The following MYH13 variants were observed in gnomAD, a reference collection of about 807,000 sequenced individuals.
MYH13 encodes the protein myosin heavy chain 13, also known as myosin-13.
Under a neutral mutation model 232.1 loss-of-function variants are expected in MYH13, and 177 were observed. The observed-to-expected ratio is 0.76, with a 90% confidence interval of 0.67 to 0.86. MYH13 has a LOEUF of 0.86. MYH13 is among the 40% of genes least tolerant of loss of function. MYH13 has a pLI of 0.00. For synonymous variants in MYH13, 884 were observed against 923.5 expected, an observed-to-expected ratio of 0.96 and a Z score of 0.78; for missense variants, 2,246 against 2,405.9, an observed-to-expected ratio of 0.93 and a Z score of 1.39.
chr17:10,328,184 C>A, intron 21 of MYH13, 63 bp from the exon 22 acceptor site: 1 of 1,559,958 alleles, frequency 6.4e-7, no homozygotes, highest in South Asian at 1.2e-5. Context: ...CACCCCCAAC[C>A]TGTCCCCGAC....
rs567458608 is a variant in MYH13, at chr17:10,315,635, C to T, written c.3984+58G>A. The T allele has an allele frequency of 3.3e-4, 490 of 1,469,444 alleles. 5 individuals are homozygous for T. The African/African-American group carries it at 5.8e-3, about 17-fold the overall frequency. The allele number at this position is 1,469,444 out of a possible 1,614,324, so 91.0% of individuals were successfully genotyped here. ...TGTAGCACTGCTCTGACCAGCTTCACGGGTGAAGTGGTCATATAGCCTGGC... is the reference window on the plus strand; with the variant it reads ...TGTAGCACTGCTCTGACCAGCTTCATGGGTGAAGTGGTCATATAGCCTGGC... On this transcript the variant is annotated intron_variant, in intron 29 of 40. Coordinates refer to ENST00000252172, the MANE Select transcript of MYH13 (RefSeq NM_003802.3).
chr17:10,327,768 T>A, intron 22 of MYH13, 98 bp downstream of exon 22: 1 of 1,472,376 alleles, frequency 6.8e-7, no homozygotes, highest in South Asian at 1.3e-5. Context: ...GTGGCACCAC[T>A]GTCTCTCGAA....
Position 10,346,778 on chromosome 17 carries a change from G to C in MYH13, c.1165C>G (p.Leu389Val), listed in dbSNP as rs1242004419. Residue 389 changes from leucine to valine, a missense_variant, in exon 13 of 41, where the codon CTG becomes GTG. Transcript: ENST00000252172. The stretch of plus-strand genomic sequence containing the variant: ...ATTTCTGCAGAATTCAGTCCCATCA[G>C]GTATCCGGCTTTGTCAGCCACTGAA... ...GTEVADKAGY[L>V]MGLNSAEMLK... 4.3e-6 allele frequency: 7 copies of C among 1,613,792 alleles called. No individual in the cohort carries two copies. Among genetic ancestry groups the C allele is most frequent in the Non-Finnish European group, 5.1e-6 (6 of 1,179,812 alleles).
In MYH13 at chr17:10,319,187, G is replaced by T; in HGVS notation, c.3349-8C>A. 1 of 1,610,892 alleles carries T rather than the reference G, an allele frequency of 6.2e-7. No individual in the cohort carries two copies. The highest frequency in any genetic ancestry group is 8.5e-7 in the Non-Finnish European group (1 of 1,178,376). On this transcript the variant is annotated splice_polypyrimidine_tract_variant and splice_region_variant and intron_variant, in intron 26 of 40. Transcript: ENST00000252172. ...CAGCTCTTCTATGCGGGCCTGAAAG[G>T]ATTACTCTATCAGGAATGTTATTGT...
At chr17:10,321,178 T>C (rs1906926893) in intron 24 of MYH13, among the ~76,000 whole-genome samples, 1 of 152,220 alleles carries the variant, frequency 6.6e-6, no homozygotes, top group Non-Finnish European at 1.5e-5. Context: ...ATTGGAGGTT[T>C]TGGAACCCAA....
intron 1 of MYH13, among the ~76,000 whole-genome samples, chr17:10,372,144 A>C (rs2071881892): frequency 6.6e-6 from 1 of 152,148 alleles, no homozygotes; most frequent in Admixed American, 6.5e-5. Context: ...TTATATCCTA[A>C]AATTCTCACA....
chr17:10,339,225 G>A (rs55730703), intron 18 of MYH13, among the ~76,000 whole-genome samples: 2,291 of 152,248 alleles, frequency 0.015, 28 homozygotes, highest in Non-Finnish European at 0.021. Flanking sequence ...CCACAGCTCC[G>A]TGTGACAGTT....
At chr17:10,324,756 G>GTTTTTTTTTTTTTTTTTTTTT (rs56757162) in intron 22 of MYH13, 1 of 107,768 alleles carries the variant, frequency 9.3e-6, no homozygotes, top group African/African-American at 4.1e-5. Context: ...CCATATACAT[G>GTTTTTTTTTTTTTTTTTTTTT]TTTTTTTTTT....
At chr17:10,333,918 AAAAG>A (rs1381805103) in intron 18 of MYH13, among the ~76,000 whole-genome samples, 2 of 151,966 alleles carry the variant, frequency 1.3e-5, no homozygotes, top group East Asian at 3.9e-4. Flanking sequence ...CAAAAAAAAA[AAAAG>A]AAGAGGCCGT....
intron 12 of MYH13, 143 bp downstream of exon 12, chr17:10,350,413 A>G (rs1266780300): frequency 2.5e-6 from 3 of 1,193,354 alleles, no homozygotes; most frequent in South Asian, 1.6e-5. Flanking sequence ...AGTGCATGCT[A>G]CAATGAGCTT....
chr17:10,357,965 C>T (rs1406685594), intron 7 of MYH13, 138 bp from the exon 8 acceptor site: 2 of 643,204 alleles, frequency 3.1e-6, no homozygotes, highest in East Asian at 5.4e-5. Flanking sequence ...CAGTGCAGCA[C>T]CCACGCCCCC....
intron 13 of MYH13, 120 bp from the exon 14 acceptor site, chr17:10,345,736 T>G: frequency 6.5e-7 from 1 of 1,545,764 alleles, no homozygotes; most frequent in Non-Finnish European, 8.8e-7. Context: ...GGCTCACACC[T>G]GTAATCCCAG....
At chr17:10,337,455 G>A (rs9907202) in intron 18 of MYH13, among the ~76,000 whole-genome samples, 117,046 of 151,444 alleles carry the variant, frequency 0.77, 45,599 homozygotes, top group East Asian at 0.9. Context: ...TAGAGGATTT[G>A]GGAGAACAAC....
Position 10,355,069 on chromosome 17 carries a change from A to G in MYH13, c.802+15T>C. 1 of 1,607,038 alleles carries G rather than the reference A, an allele frequency of 6.2e-7. No homozygotes were observed. Among genetic ancestry groups the G allele is most frequent in the Non-Finnish European group, 8.5e-7 (1 of 1,176,220 alleles). On this transcript the variant is annotated intron_variant, in intron 9 of 40. Coordinates refer to ENST00000252172, the MANE Select transcript of MYH13 (RefSeq NM_003802.3). ...GGCCAAAACACCAACGGATTTATAG[A>G]GTGTTTGGACTCACAAGTTTCGATG...
intron 22 of MYH13, 140 bp downstream of exon 22, chr17:10,327,726 G>T (rs1907261672): frequency 9.7e-7 from 1 of 1,025,994 alleles, no homozygotes. Context: ...TTACGAGCAA[G>T]GTGGTGCTGC....
intron 16 of MYH13, chr17:10,341,440 C>T (rs967756787): frequency 5.9e-5 from 9 of 152,154 alleles, no homozygotes; most frequent in South Asian, 2.1e-4. Flanking sequence ...AGTAATAAAA[C>T]GGAATTTTCT....
In MYH13 at chr17:10,360,080, T is replaced by C. The variant is rs754073192; in HGVS notation, c.534-9A>G. 6.2e-7 allele frequency: 1 copy of C among 1,614,044 alleles called. No individual in the cohort carries two copies. The highest frequency in any genetic ancestry group is 8.5e-7 in the Non-Finnish European group (1 of 1,179,976). On this transcript the variant is annotated splice_polypyrimidine_tract_variant and intron_variant, in intron 6 of 40. Transcript: ENST00000252172. ...CAGCCCCGGATTCTCCGCTGCCAAT[T>C]TAAAAGTAAACGGGATAAAGGAGAG... is the stretch of plus-strand genomic sequence containing the variant.
chr17:10,349,676 C>A (rs901114255), intron 12 of MYH13, among the ~76,000 whole-genome samples: 14 of 151,910 alleles, frequency 9.2e-5, no homozygotes, highest in African/African-American at 3.1e-4. Context: ...ATGCGGTGAC[C>A]AATCAGTTGA....
At position 10,318,912 on chromosome 17, in the gene MYH13, C is replaced by T. The variant is rs199750347; in HGVS notation, c.3616G>A (p.Glu1206Lys). 2.4e-5 allele frequency: 39 copies of T among 1,614,168 alleles called. No individual in the cohort carries two copies. The highest frequency in any genetic ancestry group is 1.0e-4 in the Admixed American group (6 of 60,018). Residue 1206 changes from glutamate (E) to lysine (K), a missense_variant, in exon 27 of 41, where the codon GAG becomes AAG. Coordinates refer to ENST00000252172, the MANE Select transcript of MYH13 (RefSeq NM_003802.3). The stretch of plus-strand genomic sequence containing the variant: ...AGGTTGTCAATCTGCTCCCCAAGCT[C>T]GGCCACACTATCTGCTTGCTTCTTC... Reference protein sequence around the residue: ...LRKKQADSVAELGEQIDNLQR... With the variant: ...LRKKQADSVAKLGEQIDNLQR...
Sources: gnomAD v4.1 joint callset for allele counts (sites outside exome capture counted in the v4.1 genomes callset) on GRCh38, gnomAD v4.1.1 for gene constraint, MANE v1.5 for transcripts, NCBI Gene and HGNC (gene_info 2026-07-23, HGNC 2026-07-21) for gene names.